The following KCNG3 variants were observed in gnomAD, a reference collection of about 807,000 sequenced individuals.
KCNG3 encodes the protein potassium voltage-gated channel modifier subfamily G member 3, also known as voltage-gated potassium channel regulatory subunit KCNG3.
Under a neutral mutation model 29.0 loss-of-function variants are expected in KCNG3, and 15 were observed. That is an observed-to-expected ratio of 0.52 (90% CI 0.35 to 0.80). The LOEUF is 0.80. Among genes scored for constraint, KCNG3 ranks in the 30% least tolerant of loss-of-function variants. The pLI is 0.01. For synonymous variants in KCNG3, 322 were observed against 248.9 expected (o/e 1.29, Z -2.76); for missense variants, 512 against 605.7 (o/e 0.85, Z 1.62).
chr2:42,476,907 C>A (rs895903752), intron 1 of KCNG3, among the ~76,000 whole-genome samples: 1 of 150,380 alleles, frequency 6.6e-6, no homozygotes, highest in African/African-American at 2.4e-5. Context: ...TGCTTAAGGC[C>A]GGGCGTGGTG....
At chr2:42,435,402 G>C in the KCNG3 span, among the ~76,000 whole-genome samples, 1 of 152,060 alleles carries the variant, frequency 6.6e-6, no homozygotes, top group African/African-American at 2.4e-5. Context: ...AAAGAGACAA[G>C]AGAAAAAACA....
In KCNG3 at chr2:42,443,942, G is replaced by C. The variant is rs1672543012; in HGVS notation, c.1303C>G (p.Leu435Val). Residue 435 changes from leucine (L) to valine (V), a missense_variant, in exon 2 of 2, where the codon CTG (leucine) becomes GTG (valine). Leu to Val is a conservative substitution (Grantham distance 32). Around this residue, in one of 5 missense-constraint regions of KCNG3, gnomAD observed 173 missense variants for 262.4 expected, o/e 0.66. Transcript: ENST00000306078. ...RYSRSLSTEFLN is the reference protein window; with the variant it reads ...RYSRSLSTEFVN The stretch of plus-strand genomic sequence containing the variant: ...AATTGATTTGCAATGCATTAATTCA[G>C]GAATTCAGTGGAGAGGCTCCTACTA... 6.2e-7 allele frequency: 1 copy of C among 1,602,548 alleles called. No individual in the cohort carries two copies. Among genetic ancestry groups the C allele is most frequent in the African/African-American group, 1.3e-5 (1 of 74,392 alleles).
At chr2:42,486,525 C>T (rs1345117730) in intron 1 of KCNG3, among the ~76,000 whole-genome samples, 1 of 152,202 alleles carries the variant, frequency 6.6e-6, no homozygotes, top group Admixed American at 6.6e-5. Flanking sequence ...GCACACAGGC[C>T]CTGCCTGATA....
chr2:42,481,496 A>G (rs1215034754), intron 1 of KCNG3, among the ~76,000 whole-genome samples: 9 of 152,218 alleles, frequency 5.9e-5, no homozygotes, highest in African/African-American at 1.4e-4. Flanking sequence ...TATACTCCAC[A>G]TGCAGACCAA....
In KCNG3 at chr2:42,443,094, C is replaced by T. The variant is rs1180219652; in HGVS notation, c.*840G>A. ...AGAAGAGGTTGTAATATTGAGTCAT[C>T]TCAAATTATTCCTATTATAATTTTT... On this transcript the variant is annotated 3_prime_UTR_variant, in exon 2 of 2. Coordinates refer to ENST00000306078, the MANE Select transcript of KCNG3 (RefSeq NM_133329.6). The T allele has an allele frequency of 6.6e-6, 1 of 152,076 alleles. No homozygotes were observed. The highest frequency in any genetic ancestry group is 1.5e-5 in the Non-Finnish European group (1 of 68,010). 9.4% of individuals were successfully genotyped at this position (152,076 alleles called of 1,614,324 possible).
chr2:42,493,139 G>C lies in KCNG3; in HGVS notation c.363C>G (p.Ser121=), dbSNP rs763998747. ...CCQRRLDDRM[S]DTYTFYSADE... is the part of the protein sequence containing the mutation. ...CGGCCGAGTAGAAGGTGTAGGTGTC[G>C]GACATGCGGTCGTCGAGGCGGCGCT... is the stretch of plus-strand genomic sequence containing the variant. Residue 121 remains serine (S), a synonymous_variant, in exon 1 of 2, where the codon TCC becomes TCG. Transcript: ENST00000306078. The C allele has an allele frequency of 6.2e-7, 1 of 1,605,232 alleles. No individual in the cohort carries two copies. Among genetic ancestry groups the C allele is most frequent in the Non-Finnish European group, 8.5e-7 (1 of 1,179,052 alleles).
At chr2:42,432,633 AAT>A in the KCNG3 span, among the ~76,000 whole-genome samples, 70 of 152,208 alleles carry the variant, frequency 4.6e-4, no homozygotes, top group Non-Finnish European at 5.9e-5. Context: ...AGAAGCAAGT[AAT>A]CTTTTATCTC....
At chr2:42,492,228 T>C (rs976657665) in intron 1 of KCNG3, among the ~76,000 whole-genome samples, 2 of 152,142 alleles carry the variant, frequency 1.3e-5, no homozygotes, top group African/African-American at 4.8e-5. Context: ...TACCAAACGG[T>C]GGACAAGAGG....
intron 1 of KCNG3, among the ~76,000 whole-genome samples, chr2:42,474,224 G>T (rs553244248): frequency 6.6e-6 from 1 of 150,870 alleles, no homozygotes; most frequent in Non-Finnish European, 1.5e-5. Context: ...GTTCATCTCG[G>T]AGAGAAAAAA....
At chr2:42,464,054 C>A in intron 1 of KCNG3, 1 of 220,692 alleles carries the variant, frequency 4.5e-6, no homozygotes, top group Non-Finnish European at 9.2e-6. Context: ...TCGGTGGTGG[C>A]TGCAGCGGGG....
the KCNG3 span, among the ~76,000 whole-genome samples, chr2:42,432,304 A>G: frequency 6.6e-6 from 1 of 152,238 alleles, no homozygotes; most frequent in Non-Finnish European, 1.5e-5. Flanking sequence ...TTAACCATCA[A>G]GTCCTGTTTT....
intron 1 of KCNG3, among the ~76,000 whole-genome samples, chr2:42,453,027 C>G (rs1414966948): frequency 6.6e-6 from 1 of 152,216 alleles, no homozygotes; most frequent in Non-Finnish European, 1.5e-5. Context: ...GGCAATCTGC[C>G]TGCCTCAGCC....
At chr2:42,446,219 C>T (rs955781801) in intron 1 of KCNG3, among the ~76,000 whole-genome samples, 2 of 151,828 alleles carry the variant, frequency 1.3e-5, no homozygotes, top group Non-Finnish European at 2.9e-5. Flanking sequence ...TTCTGTCACC[C>T]AGGCTGGAGT....
At chr2:42,473,394 T>C (rs1202027689) in intron 1 of KCNG3, among the ~76,000 whole-genome samples, 1 of 150,794 alleles carries the variant, frequency 6.6e-6, no homozygotes, top group Non-Finnish European at 1.5e-5. Flanking sequence ...CTGTCTCCCA[T>C]GGTGGAGTTC....
At chr2:42,412,413 T>C in the KCNG3 span, among the ~76,000 whole-genome samples, 1 of 152,232 alleles carries the variant, frequency 6.6e-6, no homozygotes, top group Non-Finnish European at 1.5e-5. Flanking sequence ...GGTTCTTTAG[T>C]GTGACTATTA....
At chr2:42,473,282 T>C (rs1357014781) in intron 1 of KCNG3, among the ~76,000 whole-genome samples, 1 of 152,168 alleles carries the variant, frequency 6.6e-6, no homozygotes, top group East Asian at 1.9e-4. Context: ...GTTTTTTATA[T>C]GCCTGAAAGA....
intron 1 of KCNG3, among the ~76,000 whole-genome samples, chr2:42,476,372 G>C (rs991391634): frequency 2.0e-5 from 3 of 152,076 alleles, no homozygotes; most frequent in African/African-American, 7.2e-5. Flanking sequence ...AGCTACTTGA[G>C]AGGCTGAAGT....
the KCNG3 span, among the ~76,000 whole-genome samples, chr2:42,403,717 G>A: frequency 2.0e-5 from 3 of 149,846 alleles, no homozygotes; most frequent in South Asian, 6.3e-4. Context: ...TACCTGCCTC[G>A]GCCTCCCAAA....
At chr2:42,407,001 T>G in the KCNG3 span, among the ~76,000 whole-genome samples, 1 of 152,014 alleles carries the variant, frequency 6.6e-6, no homozygotes, top group Non-Finnish European at 1.5e-5. Context: ...TTATCTAACT[T>G]GCATCAGAGA....
Sources: gnomAD v4.1 joint callset for allele counts (sites outside exome capture counted in the v4.1 genomes callset) on GRCh38, gnomAD v4.1.1 for gene constraint, gnomAD v4.1.1 regional missense constraint, MANE v1.5 for transcripts, NCBI Gene and HGNC (gene_info 2026-07-23, HGNC 2026-07-21) for gene names.